The following SPATA45 variants were observed in gnomAD, a reference collection of about 807,000 sequenced individuals.
SPATA45 encodes spermatogenesis-associated protein 45.
SPATA45 carries 5 observed loss-of-function variants against 7.0 expected under a neutral mutation model. The observed-to-expected ratio is 0.71, with a 90% CI of 0.37 to 1.50. SPATA45 has a LOEUF of 1.50. Ranked by LOEUF, SPATA45 falls within the 40% of genes most tolerant of loss-of-function variation. The pLI is 0.03. For missense variants in SPATA45, 111 were observed against 114.9 expected (o/e 0.97, Z 0.16); for synonymous variants, 40 against 38.7 (o/e 1.03, Z -0.13).
At chr1:212,839,658 A>G (rs886943943) in intron 1 of SPATA45, among the ~76,000 whole-genome samples, 1 of 151,086 alleles carries the variant, frequency 6.6e-6, no homozygotes, top group African/African-American at 2.4e-5. Flanking sequence ...AGTCCCCTAC[A>G]GTGACAAATG....
At chr1:212,838,806 A>G (rs934993970) in intron 1 of SPATA45, among the ~76,000 whole-genome samples, 3 of 151,514 alleles carry the variant, frequency 2.0e-5, no homozygotes, top group Admixed American at 1.3e-4. Flanking sequence ...GGCTCAAGCC[A>G]TCTTCCCACC....
At position 212,830,438 on chromosome 1, in the gene SPATA45, G is replaced by A. The variant is rs551495110; in HGVS notation, c.278-177C>T. ...TGTAATCCCAGCACTTTGGGAAGCC[G>A]AGGTGGGCGGATCACGAGGTCAGGA... is the stretch of plus-strand genomic sequence containing the variant. On this transcript the variant is annotated intron_variant, in intron 2 of 2. Coordinates refer to ENST00000332912, the MANE Select transcript of SPATA45 (RefSeq NM_001024601.3). Among the ~76,000 whole-genome samples the A allele has an allele frequency of 1.1e-3, 162 of 151,496 alleles. 2 individuals are homozygous for A. Among genetic ancestry groups the A allele is most frequent in the African/African-American group, 3.6e-3 (151 of 41,454 alleles).
At chr1:212,832,359 CTT>C (rs34934655) in intron 2 of SPATA45, among the ~76,000 whole-genome samples, 18,222 of 55,482 alleles carry the variant, frequency 0.33, 1,782 homozygotes, top group Non-Finnish European at 0.39. Context: ...GAAATCTAAG[CTT>C]TTTTTTTTTT....
Position 212,830,189 on chromosome 1 carries a change from C to T in SPATA45, c.*53G>A, listed in dbSNP as rs1029262602. The T allele has an allele frequency of 1.5e-6, 2 of 1,308,192 alleles. No individual in the cohort carries two copies. Among genetic ancestry groups the T allele is most frequent in the Non-Finnish European group, 2.2e-6 (2 of 926,636 alleles). 81.0% of individuals were successfully genotyped at this position (1,308,192 alleles called of 1,614,324 possible). On this transcript the variant is annotated 3_prime_UTR_variant, in exon 3 of 3. Coordinates refer to ENST00000332912, the MANE Select transcript of SPATA45 (RefSeq NM_001024601.3). ...TAATAATTTGTAAATAATTTAGACACACTGAAGAAGAATCAAAGAGAATGT... is the reference window on the plus strand; with the variant it reads ...TAATAATTTGTAAATAATTTAGACATACTGAAGAAGAATCAAAGAGAATGT...
chr1:212,840,267 G>A (rs983644004), intron 1 of SPATA45, among the ~76,000 whole-genome samples: 9 of 144,978 alleles, frequency 6.2e-5, no homozygotes, highest in South Asian at 2.3e-4. Context: ...AAACTTAGCC[G>A]GGCGTGGTGG....
chr1:212,836,942 C>G lies in SPATA45; in HGVS notation c.-38-755G>C, dbSNP rs527851542. On this transcript the variant is annotated intron_variant, in intron 1 of 2. Coordinates refer to ENST00000332912, the MANE Select transcript of SPATA45 (RefSeq NM_001024601.3). Reference sequence around the variant, plus strand: ...AAAGTGCTGGGATTACAGGCATGAGCCACCGTACCCGGCCACACCTCACTT... The same window carrying G: ...AAAGTGCTGGGATTACAGGCATGAGGCACCGTACCCGGCCACACCTCACTT... Among the ~76,000 whole-genome samples, 59 of 151,406 alleles carry G rather than the reference C, an allele frequency of 3.9e-4. 1 individual carries two copies. Among genetic ancestry groups the G allele is most frequent in the Middle Eastern group, 3.4e-3 (1 of 294 alleles).
At chr1:212,833,503 C>CAAAAAA (rs35760900) in intron 2 of SPATA45, among the ~76,000 whole-genome samples, 2 of 108,774 alleles carry the variant, frequency 1.8e-5, no homozygotes, top group Non-Finnish European at 1.9e-5. Context: ...TACTAAAATA[C>CAAAAAA]AAAAAAAAAA....
Position 212,835,864 on chromosome 1 carries a change from A to C in SPATA45, c.277+9T>G. Reference sequence around the variant, plus strand: ...AAAAAAAAAAAAAAATCCTATGATAACTTCTTACTTTTTGGTGGAAAGTGC... The same window carrying C: ...AAAAAAAAAAAAAAATCCTATGATACCTTCTTACTTTTTGGTGGAAAGTGC... On this transcript the variant is annotated intron_variant, in intron 2 of 2. Coordinates refer to ENST00000332912, the MANE Select transcript of SPATA45 (RefSeq NM_001024601.3). 1 of 1,574,896 alleles carries C rather than the reference A, an allele frequency of 6.3e-7. No individual in the cohort carries two copies. Among genetic ancestry groups the C allele is most frequent in the Non-Finnish European group, 8.6e-7 (1 of 1,165,496 alleles).
At chr1:212,841,348 G>A (rs1482347100) in intron 1 of SPATA45, among the ~76,000 whole-genome samples, 1 of 152,072 alleles carries the variant, frequency 6.6e-6, no homozygotes, top group Non-Finnish European at 1.5e-5. Context: ...ATTTTTGGTA[G>A]AGACAGGGTT....
intron 1 of SPATA45, 105 bp from the exon 2 acceptor site, chr1:212,836,292 C>G: frequency 1.2e-6 from 1 of 828,924 alleles, no homozygotes; most frequent in South Asian, 1.8e-5. Flanking sequence ...AAAATAACAC[C>G]ACAACCACCA....
chr1:212,831,710 A>C (rs1663491073), intron 2 of SPATA45, among the ~76,000 whole-genome samples: 1 of 151,292 alleles, frequency 6.6e-6, no homozygotes, highest in African/African-American at 2.4e-5. Flanking sequence ...CCAGAACTCC[A>C]AATACTCTAT....
intron 1 of SPATA45, among the ~76,000 whole-genome samples, chr1:212,840,926 A>G (rs1022601985): frequency 6.6e-6 from 1 of 151,566 alleles, no homozygotes; most frequent in African/African-American, 2.4e-5. Flanking sequence ...CTCCGCGCTC[A>G]CCTTTTAAAT....
intron 2 of SPATA45, among the ~76,000 whole-genome samples, chr1:212,831,865 G>GTCA (rs1057072658): frequency 5.3e-5 from 8 of 151,106 alleles, no homozygotes; most frequent in Non-Finnish European, 1.2e-4. Flanking sequence ...GGAGTCCTGG[G>GTCA]TCATCCCTCA....
intron 1 of SPATA45, among the ~76,000 whole-genome samples, chr1:212,842,147 G>A (rs1663699002): frequency 6.6e-6 from 1 of 151,886 alleles, no homozygotes; most frequent in Non-Finnish European, 1.5e-5. Context: ...GGAGGCCGAG[G>A]CGGGTGGATC....
intron 2 of SPATA45, among the ~76,000 whole-genome samples, chr1:212,831,560 CT>C (rs1663487601): frequency 1.3e-5 from 2 of 150,748 alleles, no homozygotes; most frequent in Non-Finnish European, 3.0e-5. Flanking sequence ...GTTTTTAATT[CT>C]ATATATTTAA....
Position 212,839,010 on chromosome 1 carries a change from C to T in SPATA45, c.-38-2823G>A, listed in dbSNP as rs1278217919. Among the ~76,000 whole-genome samples the T allele has an allele frequency of 2.6e-5, 4 of 151,198 alleles. No individual in the cohort carries two copies. The East Asian group carries it at 7.8e-4, about 29-fold the overall frequency. ...GAGCACAGCCACCAGGCCCAGCCCA[C>T]TGCTTTATTTTTATGAGCCAAAAAG... is the stretch of plus-strand genomic sequence containing the variant. On this transcript the variant is annotated intron_variant, in intron 1 of 2. Transcript: ENST00000332912.
rs12087548 is a variant in SPATA45 at position 212,836,904 on chromosome 1, G to C, written c.-38-717C>G. On this transcript the variant is annotated intron_variant, in intron 1 of 2. Transcript: ENST00000332912. ...GAACTCCTGAAGTTGTGATCCACCC[G>C]CCTCGGCCTCCCAAAGTGCTGGGAT... is the stretch of plus-strand genomic sequence containing the variant. Among the ~76,000 whole-genome samples the C allele has an allele frequency of 5.4e-5, 8 of 148,540 alleles. No homozygotes were observed. In the Admixed American group the frequency reaches 5.4e-4, roughly 10 times the overall value.
intron 1 of SPATA45, among the ~76,000 whole-genome samples, chr1:212,846,441 T>C (rs1289950376): frequency 6.6e-6 from 1 of 152,148 alleles, no homozygotes; most frequent in Non-Finnish European, 1.5e-5. Flanking sequence ...TACGTATACA[T>C]CTAGATGGTC....
chr1:212,839,442 C>T (rs1448456645), intron 1 of SPATA45, among the ~76,000 whole-genome samples: 1 of 150,902 alleles, frequency 6.6e-6, no homozygotes, highest in Non-Finnish European at 1.5e-5. Flanking sequence ...TATAATGAGA[C>T]CTTGTCTCTA....
Sources: gnomAD v4.1 joint callset for allele counts (sites outside exome capture counted in the v4.1 genomes callset) on GRCh38, gnomAD v4.1.1 for gene constraint, MANE v1.5 for transcripts, NCBI Gene and HGNC (gene_info 2026-07-23, HGNC 2026-07-21) for gene names.